The following AUTS2 variants were observed in gnomAD, a reference collection of about 807,000 sequenced individuals.
AUTS2 encodes activator of transcription and developmental regulator AUTS2.
Under a neutral mutation model 112.4 loss-of-function variants are expected in AUTS2, and 17 were observed. That is an observed-to-expected ratio of 0.15 (90% CI 0.10 to 0.23). The LOEUF is 0.23. Among genes scored for constraint, AUTS2 ranks in the 10% least tolerant of loss-of-function variants. The pLI is 1.00. For missense variants in AUTS2, 1,510 were observed against 1,701.6 expected (o/e 0.89, Z 1.98); for synonymous variants, 751 against 702.7 (o/e 1.07, Z -1.09).
chr7:69,866,218 T>A (rs1793225101), intron 1 of AUTS2, among the ~76,000 whole-genome samples: 1 of 152,154 alleles, frequency 6.6e-6, no homozygotes, highest in African/African-American at 2.4e-5. Flanking sequence ...GGCTCCCCAT[T>A]GCCCAAAAAT....
At chr7:70,304,859 G>C (rs192731877) in intron 4 of AUTS2, among the ~76,000 whole-genome samples, 43 of 151,190 alleles carry the variant, frequency 2.8e-4, no homozygotes, top group African/African-American at 1.0e-3. Flanking sequence ...TATTTCAGTA[G>C]AATTTATTGG....
intron 4 of AUTS2, among the ~76,000 whole-genome samples, chr7:70,190,731 G>A (rs1002398859): frequency 6.6e-6 from 1 of 152,116 alleles, no homozygotes; most frequent in Non-Finnish European, 1.5e-5. Flanking sequence ...TTAACCCAAC[G>A]TAGACTTTTT....
chr7:69,622,113 G>GT (rs1449850684), intron 1 of AUTS2, among the ~76,000 whole-genome samples: 2 of 152,090 alleles, frequency 1.3e-5, no homozygotes, highest in African/African-American at 2.4e-5. Context: ...GTTTTTGTTT[G>GT]TTTTTTCTTT....
chr7:69,978,842 G>C (rs1798163937), intron 2 of AUTS2, among the ~76,000 whole-genome samples: 1 of 140,320 alleles, frequency 7.1e-6, no homozygotes, highest in South Asian at 2.3e-4. Flanking sequence ...GCAAGACCCT[G>C]TCTGTCTCAA....
At chr7:70,435,619 C>A in intron 4 of AUTS2, 133 bp from the exon 5 acceptor site, 1 of 865,862 alleles carries the variant, frequency 1.2e-6, no homozygotes, top group Non-Finnish European at 1.9e-6. Flanking sequence ...TCTTTCTTTC[C>A]AGGAAGACAG....
intron 2 of AUTS2, among the ~76,000 whole-genome samples, chr7:69,977,543 A>T (rs1798110804): frequency 6.6e-6 from 1 of 152,212 alleles, no homozygotes; most frequent in Non-Finnish European, 1.5e-5. Context: ...TTTTAACAAC[A>T]GTAGGTATAA....
chr7:69,979,045 T>C (rs1038188095), intron 2 of AUTS2, among the ~76,000 whole-genome samples: 1 of 152,176 alleles, frequency 6.6e-6, no homozygotes, highest in Admixed American at 6.5e-5. Flanking sequence ...TAAAAACTAT[T>C]TTTGGAAATT....
intron 4 of AUTS2, among the ~76,000 whole-genome samples, chr7:70,322,919 C>A (rs994125876): frequency 2.6e-5 from 4 of 152,222 alleles, no homozygotes; most frequent in Non-Finnish European, 5.9e-5. Context: ...CATCCTTCCA[C>A]TCTCAGCACT....
At chr7:69,769,086 G>A (rs1760748393) in intron 1 of AUTS2, among the ~76,000 whole-genome samples, 1 of 152,206 alleles carries the variant, frequency 6.6e-6, no homozygotes, top group African/African-American at 2.4e-5. Flanking sequence ...TATTGATGAT[G>A]TCTTGCAAAT....
intron 2 of AUTS2, among the ~76,000 whole-genome samples, chr7:70,113,753 A>T (rs1163159510): frequency 6.6e-6 from 1 of 152,226 alleles, no homozygotes; most frequent in Non-Finnish European, 1.5e-5. Flanking sequence ...TTGATGGATT[A>T]ATGACACCTA....
At chr7:69,635,532 C>T (rs1031987972) in intron 1 of AUTS2, among the ~76,000 whole-genome samples, 1 of 152,170 alleles carries the variant, frequency 6.6e-6, no homozygotes, top group Non-Finnish European at 1.5e-5. Flanking sequence ...AATGCTCTAG[C>T]CCTGCAGTAC....
At chr7:70,133,765 C>T (rs938174489) in intron 3 of AUTS2, among the ~76,000 whole-genome samples, 6 of 152,126 alleles carry the variant, frequency 3.9e-5, no homozygotes, top group African/African-American at 1.4e-4. Flanking sequence ...ATCAGAATCT[C>T]AGGCAAGTTT....
intron 2 of AUTS2, among the ~76,000 whole-genome samples, chr7:70,024,109 A>T (rs577921337): frequency 1.3e-5 from 2 of 152,328 alleles, no homozygotes; most frequent in Non-Finnish European, 2.9e-5. Context: ...ATACTTTTAT[A>T]CTACTGCCTG....
intron 5 of AUTS2, among the ~76,000 whole-genome samples, chr7:70,461,516 A>G (rs1407494376): frequency 6.6e-6 from 1 of 152,194 alleles, no homozygotes; most frequent in Non-Finnish European, 1.5e-5. Flanking sequence ...TTAGGTGCGC[A>G]TCCGCTTTGA....
intron 5 of AUTS2, among the ~76,000 whole-genome samples, chr7:70,511,530 ATTTTTTTCATTTTAAAC>A (rs1799185717): frequency 2.5e-3 from 104 of 40,890 alleles, no homozygotes; most frequent in African/African-American, 9.2e-3. Flanking sequence ...TTTTATTTTT[ATTTTTTTCATTTTAAAC>A]TTTTTTTCAT....
chr7:70,365,596 A>G (rs1792533667), intron 4 of AUTS2, among the ~76,000 whole-genome samples: 1 of 152,254 alleles, frequency 6.6e-6, no homozygotes, highest in South Asian at 2.1e-4. Context: ...GTGTGTACTT[A>G]TCTATTGATC....
chr7:69,865,492 C>T (rs1793181702), intron 1 of AUTS2, among the ~76,000 whole-genome samples: 2 of 152,140 alleles, frequency 1.3e-5, no homozygotes, highest in South Asian at 4.1e-4. Flanking sequence ...GATGAAATCT[C>T]ACTTAAAACC....
At chr7:69,667,929 A>G (rs1438048557) in intron 1 of AUTS2, among the ~76,000 whole-genome samples, 3 of 152,176 alleles carry the variant, frequency 2.0e-5, no homozygotes, top group African/African-American at 4.8e-5. Flanking sequence ...CACTATACCT[A>G]TCTTACTTGT....
chr7:69,900,254 A>G (rs540439950), intron 2 of AUTS2, among the ~76,000 whole-genome samples: 44 of 152,356 alleles, frequency 2.9e-4, no homozygotes, highest in African/African-American at 1.0e-3. Flanking sequence ...GTGCCTGTCA[A>G]GTTAGTTACC....
Sources: gnomAD v4.1 joint callset for allele counts (sites outside exome capture counted in the v4.1 genomes callset) on GRCh38, gnomAD v4.1.1 for gene constraint, MANE v1.5 for transcripts, NCBI Gene and HGNC (gene_info 2026-07-23, HGNC 2026-07-21) for gene names.